Variants in PCDHA1 observed in about 807,000 individuals in gnomAD.
PCDHA1 encodes the protein protocadherin alpha 1.
Under a neutral mutation model 61.3 loss-of-function variants are expected in PCDHA1, and 42 were observed. That is an observed-to-expected ratio of 0.69 (90% confidence interval 0.54 to 0.89). The LOEUF is 0.89. Among genes scored for constraint, PCDHA1 ranks in the 40% least tolerant of loss-of-function variants. The probability of loss-of-function intolerance (pLI) is 0.00; values close to 1 mark genes in which losing one functional copy is unlikely to be tolerated. For missense variants in PCDHA1, 1,256 were observed against 1,235.3 expected, an observed-to-expected ratio of 1.02 and a Z score of -0.25; for synonymous variants, 610 against 553.8, an observed-to-expected ratio of 1.10 and a Z score of -1.43.
Position 140,786,296 on chromosome 5 carries a change from G to T in PCDHA1, c.6G>T (p.Val2=), listed in dbSNP as rs782458285. The change falls in exon 1 of 4, where the codon GTG becomes GTT. Residue 2 remains valine, a synonymous_variant. Transcript: ENST00000504120. M[V]FSRRGGLGAR... is the part of the protein sequence containing the mutation. ...AAAGGTGTAGTCCTTTTGCAATGGT[G>T]TTTTCTAGGAGAGGGGGCCTGGGAG... 2 of 1,601,144 alleles carry T rather than the reference G, an allele frequency of 1.2e-6. No individual in the cohort carries two copies. The highest frequency in any genetic ancestry group is 2.7e-5 in the African/African-American group (2 of 74,456).
chr5:140,797,472 G>A (rs782531081), intron 1 of PCDHA1: 4 of 1,160,564 alleles, frequency 3.4e-6, no homozygotes, highest in South Asian at 1.5e-5. Context: ...CCTACCGTGC[G>A]ATTTTGAATA....
chr5:140,983,363 C>A (rs574253600), intron 3 of PCDHA1, among the ~76,000 whole-genome samples: 33 of 152,290 alleles, frequency 2.2e-4, no homozygotes, highest in African/African-American at 7.9e-4. Context: ...AGAAATATGG[C>A]TTTGGAGGCC....
At chr5:140,806,763 G>A (rs1390450041) in intron 1 of PCDHA1, among the ~76,000 whole-genome samples, 3 of 152,072 alleles carry the variant, frequency 2.0e-5, no homozygotes, top group Non-Finnish European at 4.4e-5. Context: ...TTAGGTCTCT[G>A]TAATACTTAA....
chr5:140,857,980 G>A (rs2045073152), intron 1 of PCDHA1: 1 of 1,597,100 alleles, frequency 6.3e-7, no homozygotes, highest in Non-Finnish European at 8.6e-7. Context: ...CGCCACGCCA[G>A]CGCCTACTGG....
At chr5:140,847,637 AAAG>A (rs1781114479) in intron 1 of PCDHA1, 1 of 149,768 alleles carries the variant, frequency 6.7e-6, no homozygotes, top group Admixed American at 6.7e-5. Context: ...TGGAGACTAC[AAAG>A]AAGAGATTAT....
chr5:140,858,839 C>G (rs1306924023), intron 1 of PCDHA1: 1 of 317,040 alleles, frequency 3.2e-6, no homozygotes, highest in Non-Finnish European at 5.9e-6. Context: ...CCAAAAAATT[C>G]CACTGATCTA....
Position 140,931,736 on chromosome 5 carries a change from G to T in PCDHA1, c.2395-47213G>T, listed in dbSNP as rs550065133. On this transcript the variant is annotated intron_variant, in intron 1 of 3. Transcript: ENST00000504120. ...TAACTTCTATAAATATGGGGTATTT[G>T]TAATTCACAAAGGCATTTGTTATTT... is the stretch of plus-strand genomic sequence containing the variant. Among the ~76,000 whole-genome samples, 307 of 152,008 alleles carry T rather than the reference G, an allele frequency of 2.0e-3. 3 individuals carry two copies. The highest frequency in any genetic ancestry group is 7.2e-3 in the African/African-American group (300 of 41,524).
chr5:140,808,294 C>A, intron 1 of PCDHA1: 2 of 1,614,274 alleles, frequency 1.2e-6, no homozygotes, highest in Middle Eastern at 1.7e-4. Flanking sequence ...GTACAGTCAT[C>A]GCCCTGATCA....
chr5:140,880,318 A>G (rs2058303482), intron 1 of PCDHA1, among the ~76,000 whole-genome samples: 1 of 152,268 alleles, frequency 6.6e-6, no homozygotes, highest in Admixed American at 6.5e-5. Context: ...CAAGTAAAAA[A>G]TAAGATACTA....
Position 140,843,003 on chromosome 5 carries a change from A to G in PCDHA1, c.2394+54319A>G, listed in dbSNP as rs2150349772. 1.9e-6 allele frequency: 3 copies of G among 1,594,854 alleles called. No individual in the cohort carries two copies. The African/African-American group carries it at 4.0e-5, about 21-fold the overall frequency. On this transcript the variant is annotated intron_variant, in intron 1 of 3. Coordinates refer to ENST00000504120, the MANE Select transcript of PCDHA1 (RefSeq NM_018900.4). ...GTGTTCGTGCTGGACGAGAATGACAACGCGCCGGCACTGCTGGAGCCTCGG... is the reference window on the plus strand; with the variant it reads ...GTGTTCGTGCTGGACGAGAATGACAGCGCGCCGGCACTGCTGGAGCCTCGG...
At chr5:140,850,949 A>C in intron 1 of PCDHA1, 1 of 1,501,564 alleles carries the variant, frequency 6.7e-7, no homozygotes, top group Non-Finnish European at 8.9e-7. Flanking sequence ...GATATTATCG[A>C]TTACTCCCAG....
chr5:140,917,058 C>T (rs1028478613), intron 1 of PCDHA1, among the ~76,000 whole-genome samples: 4 of 152,072 alleles, frequency 2.6e-5, no homozygotes, highest in Non-Finnish European at 5.9e-5. Context: ...TTCCCTGCTA[C>T]GACAGCACCG....
chr5:140,875,813 T>A, intron 1 of PCDHA1: 2 of 1,614,174 alleles, frequency 1.2e-6, no homozygotes, highest in Non-Finnish European at 1.7e-6. Context: ...GACAGGCCGC[T>A]GCAGGTTTTC....
At chr5:141,008,784 A>G (rs541946217) in intron 3 of PCDHA1, among the ~76,000 whole-genome samples, 2 of 152,320 alleles carry the variant, frequency 1.3e-5, no homozygotes, top group East Asian at 3.9e-4. Flanking sequence ...ATTGGCTCCC[A>G]GTGTTTTATC....
At chr5:140,870,715 G>C in intron 1 of PCDHA1, 1 of 1,613,128 alleles carries the variant, frequency 6.2e-7, no homozygotes, top group Non-Finnish European at 8.5e-7. Context: ...GAGCGCGCGC[G>C]ATGCGGGCGT....
intron 1 of PCDHA1, chr5:140,852,134 G>A: frequency 3.4e-6 from 3 of 887,872 alleles, no homozygotes; most frequent in Non-Finnish European, 4.1e-6. Flanking sequence ...AAACTCAGTA[G>A]AGAAAGATCA....
At chr5:140,920,069 G>C (rs527472900) in intron 1 of PCDHA1, among the ~76,000 whole-genome samples, 1 of 152,288 alleles carries the variant, frequency 6.6e-6, no homozygotes, top group Non-Finnish European at 1.5e-5. Context: ...GGAAAAGGCA[G>C]AAACAGATTC....
chr5:140,961,028 C>T (rs889602727), intron 1 of PCDHA1, among the ~76,000 whole-genome samples: 2 of 152,146 alleles, frequency 1.3e-5, no homozygotes, highest in African/African-American at 4.8e-5. Context: ...TTGCTACCTC[C>T]TTGTTTTGAG....
intron 1 of PCDHA1, chr5:140,857,580 C>A (rs782567056): frequency 6.3e-7 from 1 of 1,596,630 alleles, no homozygotes; most frequent in South Asian, 1.1e-5. Context: ...TCGGTGCACG[C>A]GGAGAGCGGC....
Sources: gnomAD v4.1 joint callset for allele counts (sites outside exome capture counted in the v4.1 genomes callset) on GRCh38, gnomAD v4.1.1 for gene constraint, MANE v1.5 for transcripts, NCBI Gene and HGNC (gene_info 2026-07-23, HGNC 2026-07-21) for gene names.